Variants in PCDHGA5 observed in about 807,000 individuals in gnomAD.
PCDHGA5 encodes the protein protocadherin gamma-A5.
Under a neutral mutation model 56.7 loss-of-function variants are expected in PCDHGA5, and 36 were observed. The ratio of observed to expected loss-of-function variants is 0.64; its 90% CI spans 0.49 to 0.84. The LOEUF (loss-of-function observed/expected upper bound fraction) is 0.84, where lower values mean the gene tolerates loss of function less well. PCDHGA5 is among the 40% of genes least tolerant of loss of function. The probability of loss-of-function intolerance (pLI) is 0.00; values close to 1 mark genes in which losing one functional copy is unlikely to be tolerated. For missense variants in PCDHGA5, 1,305 were observed against 1,201.5 expected (o/e 1.09, Z -1.27); for synonymous variants, 563 against 520.2 (o/e 1.08, Z -1.12).
intron 1 of PCDHGA5, chr5:141,385,033 C>T (rs749144502): frequency 1.2e-6 from 2 of 1,614,182 alleles, no homozygotes; most frequent in East Asian, 2.2e-5. Context: ...CCTCGTACTG[C>T]TGGCGCTCAG....
chr5:141,490,050 C>T lies in PCDHGA5; in HGVS notation c.2422-4757C>T, dbSNP rs1400735375. On this transcript the variant is annotated intron_variant, in intron 1 of 3. Transcript: ENST00000518069. This position sits in a 1 kb window ranked among gnomAD's most constrained non-coding sequence, Gnocchi z 5.4. ...TCCGCCTCAATGCCACTGATCCAGA[C>T]GAGGGCACCAACGGCCAACTAGACT... The T allele has an allele frequency of 1.2e-6, 2 of 1,614,224 alleles. No individual in the cohort carries two copies. The highest frequency in any genetic ancestry group is 1.7e-6 in the Non-Finnish European group (2 of 1,180,022).
rs1212381177 is a variant in PCDHGA5 at position 141,438,571 on chromosome 5, TATAC to T, written c.2422-56216_2422-56213del. ...GCCCTAATAAGAGGCAGCTGTCTGATATACATACATACATACATACATATATATA... is the reference window on the plus strand; with the variant it reads ...GCCCTAATAAGAGGCAGCTGTCTGATATACATACATACATACATATATATA... On this transcript the variant is annotated intron_variant, in intron 1 of 3. Transcript: ENST00000518069. 9.4e-4 allele frequency among the ~76,000 whole-genome samples: 89 copies of T among 94,500 alleles called. 1 individual carries two copies. The highest frequency in any genetic ancestry group is 1.8e-3 in the African/African-American group (37 of 20,720). The allele number at this position is 94,500 out of a possible 152,430, so 62.0% of individuals were successfully genotyped here.
At chr5:141,434,119 C>T (rs2097673106) in intron 1 of PCDHGA5, among the ~76,000 whole-genome samples, 1 of 152,180 alleles carries the variant, frequency 6.6e-6, no homozygotes, top group Non-Finnish European at 1.5e-5. Flanking sequence ...GCCTTTGGGA[C>T]TCCCTTTAGG....
chr5:141,409,173 G>T (rs1235074997), intron 1 of PCDHGA5: 3 of 1,614,028 alleles, frequency 1.9e-6, no homozygotes. Flanking sequence ...GCGAAGGACG[G>T]AGGTGGTCTC....
chr5:141,399,330 A>T, intron 1 of PCDHGA5: 1 of 1,613,994 alleles, frequency 6.2e-7, no homozygotes, highest in Non-Finnish European at 8.5e-7. Flanking sequence ...ATAAGTTGGT[A>T]ACAGATGGAA....
intron 1 of PCDHGA5, chr5:141,410,847 G>GTA: frequency 1.9e-5 from 3 of 158,244 alleles, no homozygotes; most frequent in East Asian, 1.3e-4. Flanking sequence ...TTTTGTCTTT[G>GTA]TCTTTTTTTT....
At chr5:141,374,287 C>G in intron 1 of PCDHGA5, 1 of 1,613,992 alleles carries the variant, frequency 6.2e-7, no homozygotes, top group Non-Finnish European at 8.5e-7. Flanking sequence ...GCATCGTCTC[C>G]AGAGGTAGGA....
chr5:141,388,937 C>T, intron 1 of PCDHGA5: 1 of 1,613,964 alleles, frequency 6.2e-7, no homozygotes, highest in Non-Finnish European at 8.5e-7. Context: ...AGTCTCTACC[C>T]AACCTAATTA....
chr5:141,408,540 C>A (rs201370009), intron 1 of PCDHGA5: 1 of 1,614,046 alleles, frequency 6.2e-7, no homozygotes. Flanking sequence ...GTGGAAAATC[C>A]TTTAAATATT....
intron 1 of PCDHGA5, among the ~76,000 whole-genome samples, chr5:141,368,256 T>G (rs982604434): frequency 6.6e-6 from 1 of 152,192 alleles, no homozygotes; most frequent in Non-Finnish European, 1.5e-5. Flanking sequence ...AAAGGTTAAT[T>G]GACACATTAA....
chr5:141,430,939 G>A, intron 1 of PCDHGA5: 1 of 1,607,854 alleles, frequency 6.2e-7, no homozygotes, highest in South Asian at 1.1e-5. Flanking sequence ...GGGAGCTCGC[G>A]GAGCGCGGAG....
chr5:141,413,832 C>T, intron 1 of PCDHGA5: 1 of 1,613,228 alleles, frequency 6.2e-7, no homozygotes. Context: ...TCACCGCCTC[C>T]GACGGGGGTG....
chr5:141,421,194 C>G, intron 1 of PCDHGA5: 1 of 1,498,922 alleles, frequency 6.7e-7, no homozygotes, highest in South Asian at 1.3e-5. Context: ...CCAACCAGCT[C>G]GAGAAACCGC....
intron 1 of PCDHGA5, chr5:141,402,959 G>C: frequency 1.2e-5 from 19 of 1,604,470 alleles, no homozygotes; most frequent in Non-Finnish European, 1.5e-5. Context: ...AGCAATGGCA[G>C]CTCCAACCAA....
intron 1 of PCDHGA5, chr5:141,373,841 C>T: frequency 2.3e-6 from 1 of 438,764 alleles, no homozygotes; most frequent in Non-Finnish European, 4.0e-6. Flanking sequence ...TAAGTTAGGA[C>T]TCTAAGCGTC....
In PCDHGA5 at chr5:141,485,186, G is replaced by T; in HGVS notation, c.2422-9621G>T. ...GCGGGCGGCAGCAATGCTCCGCAAG[G>T]TGAGAAGCTGGACAGAAATCTGGCG... On this transcript the variant is annotated intron_variant, in intron 1 of 3. Coordinates refer to ENST00000518069, the MANE Select transcript of PCDHGA5 (RefSeq NM_018918.3). This position sits in a 1 kb window ranked among gnomAD's most constrained non-coding sequence, Gnocchi z 5.7. 1 of 1,613,706 alleles carries T rather than the reference G, an allele frequency of 6.2e-7. No individual in the cohort carries two copies. The highest frequency in any genetic ancestry group is 8.5e-7 in the Non-Finnish European group (1 of 1,179,644).
At chr5:141,404,196 C>T in intron 1 of PCDHGA5, 3 of 1,613,466 alleles carry the variant, frequency 1.9e-6, no homozygotes, top group Non-Finnish European at 1.7e-6. Context: ...CGAGAAAAAG[C>T]CTCAGAATAT....
At chr5:141,372,417 C>G in intron 1 of PCDHGA5, 1 of 1,614,062 alleles carries the variant, frequency 6.2e-7, no homozygotes, top group Non-Finnish European at 8.5e-7. Flanking sequence ...ACAACCTGAC[C>G]TTAGCGACCG....
intron 1 of PCDHGA5, chr5:141,422,545 T>C: frequency 6.2e-7 from 1 of 1,614,000 alleles, no homozygotes; most frequent in Non-Finnish European, 8.5e-7. Context: ...AACTCATGTC[T>C]GGCTGAATGT....
Sources: allele counts gnomAD v4.1 joint callset (sites outside exome capture counted in the v4.1 genomes callset), GRCh38; gene constraint gnomAD v4.1.1; non-coding constraint Gnocchi (gnomAD v3.1); transcripts MANE v1.5; gene names NCBI Gene and HGNC (gene_info 2026-07-23, HGNC 2026-07-21).